Variants in SPTBN1 observed in about 807,000 individuals in gnomAD.
SPTBN1 encodes the protein spectrin beta chain, non-erythrocytic 1.
SPTBN1 carries 32 observed loss-of-function variants against 266.4 expected under a neutral mutation model. The observed-to-expected ratio is 0.12, with a 90% CI of 0.09 to 0.16. The LOEUF is 0.16. Among genes scored for constraint, SPTBN1 ranks in the 10% least tolerant of loss-of-function variants. SPTBN1 has a pLI of 1.00. For missense variants in SPTBN1, 2,296 were observed against 3,067.1 expected (o/e 0.75, Z 5.94); for synonymous variants, 1,336 against 1,162.2 (o/e 1.15, Z -3.04).
At chr2:54,633,939 T>A (rs1016427438) in intron 17 of SPTBN1, among the ~76,000 whole-genome samples, 1 of 152,184 alleles carries the variant, frequency 6.6e-6, no homozygotes, top group Admixed American at 6.5e-5. Context: ...GAATAACTTA[T>A]GTTAATTATA....
chr2:54,477,728 A>G (rs572910621), intron 1 of SPTBN1, among the ~76,000 whole-genome samples: 1 of 152,258 alleles, frequency 6.6e-6, no homozygotes, highest in East Asian at 1.9e-4. Context: ...CCTGGCTAAT[A>G]TGGTGAAACC....
chr2:54,548,995 G>C (rs1274439374), intron 2 of SPTBN1, among the ~76,000 whole-genome samples: 3 of 152,162 alleles, frequency 2.0e-5, no homozygotes, highest in Non-Finnish European at 4.4e-5. Flanking sequence ...GGTATAGGGT[G>C]AAGGTTCTGT....
intron 2 of SPTBN1, among the ~76,000 whole-genome samples, chr2:54,576,184 A>G (rs1292279187): frequency 6.7e-6 from 1 of 149,956 alleles, no homozygotes; most frequent in African/African-American, 2.5e-5. Flanking sequence ...CCTCCCCAGT[A>G]GCTGGGATTA....
intron 2 of SPTBN1, among the ~76,000 whole-genome samples, chr2:54,592,816 G>A (rs1301442887): frequency 6.6e-6 from 1 of 151,966 alleles, no homozygotes; most frequent in East Asian, 1.9e-4. Context: ...AATCCCTCTT[G>A]CCTGGCTGGA....
At chr2:54,642,838 G>C (rs369846382) in intron 18 of SPTBN1, 145 bp from the exon 19 acceptor site, 8 of 986,712 alleles carry the variant, frequency 8.1e-6, no homozygotes, top group East Asian at 2.5e-5. Context: ...TGACGGGTCA[G>C]AGTTGTGAAG....
chr2:54,593,295 G>A (rs1675810067), intron 2 of SPTBN1, among the ~76,000 whole-genome samples: 1 of 152,174 alleles, frequency 6.6e-6, no homozygotes, highest in Non-Finnish European at 1.5e-5. Context: ...TTGTGGTCCT[G>A]AGAAGCTTAT....
At chr2:54,503,684 A>G (rs1669395572) in intron 1 of SPTBN1, among the ~76,000 whole-genome samples, 2 of 152,230 alleles carry the variant, frequency 1.3e-5, no homozygotes, top group South Asian at 2.1e-4. Context: ...ACACAGCAAT[A>G]TTAAAAACAT....
rs769905468 is a variant in SPTBN1, at chr2:54,670,568, A to G, written c.*1999A>G. The G allele has an allele frequency of 3.5e-5, 14 of 397,428 alleles. No individual in the cohort carries two copies. Among genetic ancestry groups the G allele is most frequent in the Middle Eastern group, 6.2e-4 (1 of 1,612 alleles). The allele number at this position is 397,428 out of a possible 1,614,324, so 24.6% of individuals were successfully genotyped here. ...CTCAGGGTTGGAATCAAGTTGTTCTATTCTCAACAGACCAAAATGTTTAGT... is the reference window on the plus strand; with the variant it reads ...CTCAGGGTTGGAATCAAGTTGTTCTGTTCTCAACAGACCAAAATGTTTAGT... On this transcript the variant is annotated 3_prime_UTR_variant, in exon 36 of 36. Coordinates refer to ENST00000356805, the MANE Select transcript of SPTBN1 (RefSeq NM_003128.3).
At chr2:54,552,242 C>T (rs1301590385) in intron 2 of SPTBN1, among the ~76,000 whole-genome samples, 1 of 152,124 alleles carries the variant, frequency 6.6e-6, no homozygotes, top group Admixed American at 6.5e-5. Context: ...TGAAATTTCT[C>T]CTATGAGGAG....
chr2:54,532,856 A>G (rs959589930), intron 2 of SPTBN1, among the ~76,000 whole-genome samples: 1 of 152,182 alleles, frequency 6.6e-6, no homozygotes, highest in Non-Finnish European at 1.5e-5. Context: ...AGAAAAATGC[A>G]TTTCTGCTTG....
At chr2:54,513,433 A>T (rs1035137065) in intron 1 of SPTBN1, among the ~76,000 whole-genome samples, 5 of 152,204 alleles carry the variant, frequency 3.3e-5, no homozygotes, top group African/African-American at 1.2e-4. Flanking sequence ...ACAAATAAAA[A>T]GTGCTTTATT....
At chr2:54,565,859 C>T (rs1020698489) in intron 2 of SPTBN1, among the ~76,000 whole-genome samples, 1 of 152,176 alleles carries the variant, frequency 6.6e-6, no homozygotes, top group Non-Finnish European at 1.5e-5. Context: ...AAGAAAACTT[C>T]TACATATAAA....
intron 2 of SPTBN1, among the ~76,000 whole-genome samples, chr2:54,538,309 A>C (rs1671733444): frequency 6.6e-6 from 1 of 152,204 alleles, no homozygotes; most frequent in African/African-American, 2.4e-5. Context: ...AGTCTATCCC[A>C]AGCTTGCATC....
At chr2:54,514,686 A>G (rs1245250747) in intron 1 of SPTBN1, among the ~76,000 whole-genome samples, 3 of 152,236 alleles carry the variant, frequency 2.0e-5, no homozygotes, top group Non-Finnish European at 4.4e-5. Context: ...ATTCTTTAGT[A>G]CAGAGAAATG....
At chr2:54,568,178 C>T (rs149648246) in intron 2 of SPTBN1, among the ~76,000 whole-genome samples, 5,913 of 151,844 alleles carry the variant, frequency 0.039, 148 homozygotes, top group Admixed American at 0.088. Flanking sequence ...GTCGGGAGTT[C>T]GAGACCAGCC....
chr2:54,518,559 T>A (rs1670250843), intron 1 of SPTBN1, among the ~76,000 whole-genome samples: 1 of 152,170 alleles, frequency 6.6e-6, no homozygotes, highest in African/African-American at 2.4e-5. Context: ...ATTTGCAGTT[T>A]GGTGCCTTCA....
At chr2:54,550,954 CT>C (rs1014455454) in intron 2 of SPTBN1, among the ~76,000 whole-genome samples, 5 of 152,164 alleles carry the variant, frequency 3.3e-5, no homozygotes, top group Non-Finnish European at 5.9e-5. Flanking sequence ...TGTCCCTCAC[CT>C]TTCTCTTTTC....
intron 11 of SPTBN1, 48 bp from the exon 12 acceptor site, chr2:54,625,883 GC>G: frequency 1.9e-6 from 3 of 1,570,156 alleles, no homozygotes; most frequent in Non-Finnish European, 1.7e-6. Context: ...GAGCTACTGT[GC>G]CCGGGTGGAT....
chr2:54,599,939 C>T (rs1676370373), intron 3 of SPTBN1, among the ~76,000 whole-genome samples: 2 of 152,162 alleles, frequency 1.3e-5, no homozygotes, highest in Admixed American at 6.5e-5. Flanking sequence ...CAGGTTTTGT[C>T]TCACCTTGGT....
Sources: allele counts gnomAD v4.1 joint callset (sites outside exome capture counted in the v4.1 genomes callset), GRCh38; gene constraint gnomAD v4.1.1; transcripts MANE v1.5; gene names NCBI Gene and HGNC (gene_info 2026-07-23, HGNC 2026-07-21).